The following SP4 variants were observed in gnomAD, a reference collection of about 807,000 sequenced individuals.
SP4 encodes transcription factor Sp4.
In SP4, 19 loss-of-function variants were observed where a neutral mutation model predicts 72.8. The observed-to-expected ratio is 0.26, with a 90% CI of 0.18 to 0.38. The LOEUF (loss-of-function observed/expected upper bound fraction) is 0.38. Among genes scored for constraint, SP4 ranks in the 10% least tolerant of loss-of-function variants. The pLI is 1.00. For synonymous variants in SP4, 395 were observed against 333.1 expected, an observed-to-expected ratio of 1.19 and a Z score of -2.02; for missense variants, 1,008 against 926.3, an observed-to-expected ratio of 1.09 and a Z score of -1.14.
chr7:21,503,751 T>C (rs546537773), intron 5 of SP4, among the ~76,000 whole-genome samples: 20 of 152,370 alleles, frequency 1.3e-4, no homozygotes, highest in African/African-American at 4.6e-4. Flanking sequence ...TCTACTTGAA[T>C]GCTTTGAAGT....
chr7:21,435,601 T>C (rs1783025116), intron 3 of SP4, among the ~76,000 whole-genome samples: 1 of 152,206 alleles, frequency 6.6e-6, no homozygotes, highest in Non-Finnish European at 1.5e-5. Context: ...ATATACATAC[T>C]CATGTACTCC....
Position 21,430,659 on chromosome 7 carries a change from A to G in SP4, c.1494A>G (p.Pro498=), listed in dbSNP as rs766936549. The G allele has an allele frequency of 6.1e-5, 98 of 1,614,108 alleles. No homozygotes were observed. Among genetic ancestry groups the G allele is most frequent in the Non-Finnish European group, 8.1e-5 (96 of 1,180,050 alleles). ...TATCCCAACAATTAACCATCACCCC[A>G]GTGTCTTCAAGTGGTGGCACAACTC... ...AGLSQQLTIT[P]VSSSGGTTLA... is the part of the protein sequence containing the mutation. Residue 498 remains proline, a synonymous_variant, in exon 3 of 6, where the codon CCA becomes CCG. Transcript: ENST00000222584.
At chr7:21,481,089 T>TG (rs1267486632) in intron 4 of SP4, among the ~76,000 whole-genome samples, 3 of 152,192 alleles carry the variant, frequency 2.0e-5, no homozygotes, top group Non-Finnish European at 4.4e-5. Context: ...GAACTATGAA[T>TG]GGGCCAGGTC....
In SP4 at chr7:21,460,082, TA is replaced by T. The variant is rs1562600981; in HGVS notation, c.1679-16995del. 1.6e-4 allele frequency among the ~76,000 whole-genome samples: 25 copies of T among 152,336 alleles called. 1 individual carries two copies. Among genetic ancestry groups the T allele is most frequent in the African/African-American group, 6.0e-4 (25 of 41,576 alleles). ...TCCATGAAACCTGGTAGGCTTGAACTAATTCTTTGAGAAAAGGAGAGCCCTA... is the reference window on the plus strand; with the variant it reads ...TCCATGAAACCTGGTAGGCTTGAACTATTCTTTGAGAAAAGGAGAGCCCTA... On this transcript the variant is annotated intron_variant, in intron 3 of 5. Transcript: ENST00000222584.
chr7:21,431,171 C>G (rs1355402051), intron 3 of SP4, among the ~76,000 whole-genome samples: 1 of 152,076 alleles, frequency 6.6e-6, no homozygotes, highest in African/African-American at 2.4e-5. Flanking sequence ...CAGAAAGAAC[C>G]CTAGTCGAAA....
chr7:21,484,758 C>A (rs549189042), intron 5 of SP4, among the ~76,000 whole-genome samples: 1 of 151,972 alleles, frequency 6.6e-6, no homozygotes, highest in Non-Finnish European at 1.5e-5. Flanking sequence ...TTTGGAACCT[C>A]ACATTATGAT....
chr7:21,434,174 G>A (rs975120242), intron 3 of SP4, among the ~76,000 whole-genome samples: 3 of 152,092 alleles, frequency 2.0e-5, no homozygotes, highest in Non-Finnish European at 4.4e-5. Context: ...AATTTTGCTC[G>A]AAATTTTTAT....
At chr7:21,459,914 A>G (rs1783900485) in intron 3 of SP4, among the ~76,000 whole-genome samples, 1 of 152,218 alleles carries the variant, frequency 6.6e-6, no homozygotes, top group Non-Finnish European at 1.5e-5. Context: ...AGTTGAGGAG[A>G]CAGAATATTC....
chr7:21,490,231 C>G (rs772487991), intron 5 of SP4, among the ~76,000 whole-genome samples: 1 of 152,134 alleles, frequency 6.6e-6, no homozygotes, highest in Non-Finnish European at 1.5e-5. Flanking sequence ...TTTTTCCCTC[C>G]TTTGTCTCCC....
At chr7:21,433,741 C>G (rs2214574) in intron 3 of SP4, among the ~76,000 whole-genome samples, 152,314 of 152,320 alleles carry the variant, frequency 1, 76,154 homozygotes, top group Middle Eastern at 1. Context: ...GGGAGTTCGA[C>G]ACCAGCCTGA....
At chr7:21,440,017 A>G (rs890663618) in intron 3 of SP4, among the ~76,000 whole-genome samples, 1 of 152,232 alleles carries the variant, frequency 6.6e-6, no homozygotes, top group African/African-American at 2.4e-5. Context: ...TAATAAAGTT[A>G]AGGAGGTAAG....
intron 3 of SP4, among the ~76,000 whole-genome samples, chr7:21,455,404 C>T (rs552309223): frequency 6.6e-6 from 1 of 152,230 alleles, no homozygotes; most frequent in Non-Finnish European, 1.5e-5. Flanking sequence ...GAGGATGCAT[C>T]CATGGGGCAT....
chr7:21,461,192 G>A (rs867153289), intron 3 of SP4, among the ~76,000 whole-genome samples: 2 of 152,178 alleles, frequency 1.3e-5, no homozygotes, highest in South Asian at 4.1e-4. Context: ...CGTGCCATGC[G>A]CCCGCACTCC....
In SP4 at chr7:21,428,135, C is replaced by A; in HGVS notation, c.-117C>A. ...AAAGAGGCAGAGCCTGTGCCAGCTA[C>A]AGCCTCCTCCGAGCCACCGCGGGCG... is the stretch of plus-strand genomic sequence containing the variant. On this transcript the variant is annotated 5_prime_UTR_variant, in exon 1 of 6. Transcript: ENST00000222584. 1.4e-6 allele frequency: 1 copy of A among 719,236 alleles called. No individual in the cohort carries two copies. The highest frequency in any genetic ancestry group is 2.6e-6 in the Non-Finnish European group (1 of 387,830). The allele number at this position is 719,236 out of a possible 1,614,324, so 44.6% of individuals were successfully genotyped here. A position where few individuals can be genotyped will look rare whatever the true frequency, so the allele number is the denominator to read the frequency against.
rs1317528754 is a variant in SP4 at position 21,430,594 on chromosome 7, A to G, written c.1429A>G (p.Ile477Val). 2 of 1,614,244 alleles carry G rather than the reference A, an allele frequency of 1.2e-6. No homozygotes were observed. Among genetic ancestry groups the G allele is most frequent in the Non-Finnish European group, 1.7e-6 (2 of 1,180,042 alleles). Reference sequence around the variant, plus strand: ...TTGGCAAACTGTACAGGTTCAGAATATTCAGAGTCTTTCAAATTTGCAAGT... The same window carrying G: ...TTGGCAAACTGTACAGGTTCAGAATGTTCAGAGTCTTTCAAATTTGCAAGT... Reference protein sequence around the residue: ...ISWQTVQVQNIQSLSNLQVQN... With the variant: ...ISWQTVQVQNVQSLSNLQVQN... Residue 477 changes from isoleucine (I) to valine (V), a missense_variant, in exon 3 of 6, where the codon ATT becomes GTT. Coordinates refer to ENST00000222584, the MANE Select transcript of SP4 (RefSeq NM_003112.5).
At chr7:21,490,252 C>T (rs981220349) in intron 5 of SP4, among the ~76,000 whole-genome samples, 38 of 152,172 alleles carry the variant, frequency 2.5e-4, no homozygotes, top group African/African-American at 9.2e-4. Context: ...AGGTTTAACC[C>T]TGCGGGCACT....
chr7:21,441,259 A>G (rs1274630475), intron 3 of SP4, among the ~76,000 whole-genome samples: 4 of 152,186 alleles, frequency 2.6e-5, no homozygotes, highest in Non-Finnish European at 4.4e-5. Flanking sequence ...GGCTTGAGTC[A>G]AGCTGCTAAA....
At chr7:21,438,808 C>G (rs1030553550) in intron 3 of SP4, among the ~76,000 whole-genome samples, 1 of 152,182 alleles carries the variant, frequency 6.6e-6, no homozygotes, top group African/African-American at 2.4e-5. Flanking sequence ...GTTATACCCT[C>G]TGTATATGCT....
chr7:21,470,777 A>G (rs1475607951), intron 3 of SP4, among the ~76,000 whole-genome samples: 2 of 151,396 alleles, frequency 1.3e-5, no homozygotes, highest in Non-Finnish European at 2.9e-5. Flanking sequence ...AAAGCAGAAC[A>G]AAAAAGGAAT....
Sources: gnomAD v4.1 joint callset for allele counts (sites outside exome capture counted in the v4.1 genomes callset) on GRCh38, gnomAD v4.1.1 for gene constraint, MANE v1.5 for transcripts, NCBI Gene and HGNC (gene_info 2026-07-23, HGNC 2026-07-21) for gene names.